The following JAKMIP3 variants were observed in gnomAD, a reference collection of about 807,000 sequenced individuals.
JAKMIP3 encodes the protein janus kinase and microtubule-interacting protein 3.
In JAKMIP3, 58 loss-of-function variants were observed where a neutral mutation model predicts 118.5. The ratio of observed to expected loss-of-function variants is 0.49; its 90% CI spans 0.40 to 0.61. The LOEUF (loss-of-function observed/expected upper bound fraction) is 0.61, where lower values mean the gene tolerates loss of function less well. Ranked by LOEUF, JAKMIP3 falls within the 20% of genes least tolerant of loss-of-function variation. The pLI is 0.00. For missense variants in JAKMIP3, 950 were observed against 1,109.0 expected (o/e 0.86, Z 2.04); for synonymous variants, 486 against 451.2 (o/e 1.08, Z -0.98).
intron 1 of JAKMIP3, among the ~76,000 whole-genome samples, chr10:132,099,800 G>T (rs2044536682): frequency 6.6e-6 from 1 of 152,218 alleles, no homozygotes; most frequent in Non-Finnish European, 1.5e-5. Flanking sequence ...TGGCTCAGGT[G>T]CGTGTCACGG....
intron 19 of JAKMIP3, among the ~76,000 whole-genome samples, chr10:132,162,113 C>T (rs1405346254): frequency 4.1e-5 from 6 of 147,766 alleles, no homozygotes; most frequent in African/African-American, 1.5e-4. Flanking sequence ...TTTTTTTCTG[C>T]ACTTCCTGCT....
chr10:132,100,259 G>A (rs1170400607), intron 1 of JAKMIP3, among the ~76,000 whole-genome samples: 2 of 151,564 alleles, frequency 1.3e-5, no homozygotes, highest in African/African-American at 2.4e-5. Context: ...AGCCAGGAAC[G>A]CCATGGTCTG....
chr10:132,102,965 T>G (rs1478216750), intron 1 of JAKMIP3, among the ~76,000 whole-genome samples: 7 of 105,122 alleles, frequency 6.7e-5, no homozygotes, highest in African/African-American at 1.4e-4. Context: ...GGGCATGGGG[T>G]GGGGGGAAGT....
intron 21 of JAKMIP3, among the ~76,000 whole-genome samples, chr10:132,165,231 C>T (rs1434853448): frequency 6.6e-6 from 1 of 152,160 alleles, no homozygotes. Flanking sequence ...TCTCGGGGTC[C>T]CAGCTCCGTG....
chr10:132,160,186 GTGGGCCTCTCCCTGTGTGATGCTGGGT>G (rs2057937910), intron 19 of JAKMIP3, among the ~76,000 whole-genome samples: 2 of 28,414 alleles, frequency 7.0e-5, no homozygotes, highest in African/African-American at 2.2e-4. Flanking sequence ...GTGATGCTGG[GTGGGCCTCTCCCTGTGTGATGCTGGGT>G]GGGCCTCTCC....
At chr10:132,178,040 C>T (rs2060353396) in intron 23 of JAKMIP3, among the ~76,000 whole-genome samples, 1 of 152,364 alleles carries the variant, frequency 6.6e-6, no homozygotes, top group African/African-American at 2.4e-5. Flanking sequence ...TGAACCTGCT[C>T]CTGTGCACCC....
intron 19 of JAKMIP3, among the ~76,000 whole-genome samples, chr10:132,154,844 G>GC (rs1468224238): frequency 9.0e-6 from 1 of 111,206 alleles, no homozygotes; most frequent in African/African-American, 3.4e-5. Context: ...GATGGTGGTG[G>GC]CGGTGGTGGT....
chr10:132,051,546 G>T (rs1590006570), intron 1 of JAKMIP3, among the ~76,000 whole-genome samples: 1 of 152,116 alleles, frequency 6.6e-6, no homozygotes, highest in East Asian at 1.9e-4. Context: ...GTGCCTGTTG[G>T]ATTCTTTTGC....
intron 23 of JAKMIP3, among the ~76,000 whole-genome samples, chr10:132,175,798 C>T (rs1166535151): frequency 6.6e-6 from 1 of 152,158 alleles, no homozygotes; most frequent in Non-Finnish European, 1.5e-5. Context: ...CAGTTCATGG[C>T]CATCATGCAT....
intron 8 of JAKMIP3, among the ~76,000 whole-genome samples, chr10:132,137,585 C>T (rs763210847): frequency 4.6e-5 from 7 of 152,320 alleles, no homozygotes; most frequent in Admixed American, 2.0e-4. Flanking sequence ...TGCCCTTCTC[C>T]GGCTGCTCAC....
At chr10:132,152,839 G>T in intron 16 of JAKMIP3, 119 bp from the exon 17 acceptor site, 1 of 721,540 alleles carries the variant, frequency 1.4e-6, no homozygotes, top group Non-Finnish European at 2.4e-6. Context: ...TTTAGCTCTG[G>T]CCCCCACCCA....
rs1406187653 is a variant in JAKMIP3, at chr10:132,112,767, T to TCCACCTCC, written c.136-4307_136-4300dup. On this transcript the variant is annotated intron_variant, in intron 2 of 23. Transcript: ENST00000684848. The surrounding 1 kb of genome is among the most constrained non-coding windows in gnomAD (Gnocchi z 4.3). ...CGTGTCTCCTTGGACAGGGCAGCTCTCCACCTCCCCTTGGACACCGGCTCA... is the reference window on the plus strand; with the variant it reads ...CGTGTCTCCTTGGACAGGGCAGCTCTCCACCTCCCCACCTCCCCTTGGACACCGGCTCA... Among the ~76,000 whole-genome samples the TCCACCTCC allele has an allele frequency of 3.9e-5, 6 of 152,230 alleles. No individual in the cohort carries two copies. In the South Asian group the frequency reaches 1.0e-3, roughly 26 times the overall value.
intron 11 of JAKMIP3, among the ~76,000 whole-genome samples, chr10:132,143,393 T>C (rs1277586295): frequency 6.6e-6 from 1 of 152,128 alleles, no homozygotes; most frequent in East Asian, 1.9e-4. Flanking sequence ...CGCATCCTCC[T>C]GGCCAAGCTC....
intron 23 of JAKMIP3, among the ~76,000 whole-genome samples, chr10:132,174,754 C>G (rs1013265253): frequency 6.6e-6 from 1 of 152,180 alleles, no homozygotes; most frequent in South Asian, 2.1e-4. Context: ...TTGCCCCACA[C>G]GCAACGTCTT....
chr10:132,149,307 C>A, intron 14 of JAKMIP3, 105 bp from the exon 15 acceptor site: 2 of 724,582 alleles, frequency 2.8e-6, no homozygotes, highest in Middle Eastern at 2.4e-4. Flanking sequence ...CTGTGTTGAT[C>A]CCTGGTTCCA....
chr10:132,149,569 C>CA, intron 15 of JAKMIP3, 59 bp downstream of exon 15: 1 of 635,274 alleles, frequency 1.6e-6, no homozygotes, highest in Non-Finnish European at 2.4e-6. Context: ...CGCCCCACCC[C>CA]CTCTCCGCCC....
At chr10:132,152,828 T>G (rs1019265779) in intron 16 of JAKMIP3, 130 bp from the exon 17 acceptor site, 1 of 669,392 alleles carries the variant, frequency 1.5e-6, no homozygotes, top group African/African-American at 1.8e-5. Context: ...TCAAAGCACT[T>G]TTTAGCTCTG....
intron 1 of JAKMIP3, among the ~76,000 whole-genome samples, chr10:132,094,744 C>A (rs2043615858): frequency 6.6e-6 from 1 of 152,112 alleles, no homozygotes; most frequent in South Asian, 2.1e-4. Context: ...CAGAGAGCAT[C>A]TGCTGTGGGA....
rs1398346267 is a variant in JAKMIP3, at chr10:132,147,997, C to G, written c.1795C>G (p.Gln599Glu). The G allele has an allele frequency of 1.2e-6, 2 of 1,610,912 alleles. No individual in the cohort carries two copies. Among genetic ancestry groups the G allele is most frequent in the South Asian group, 2.2e-5 (2 of 90,762 alleles). Residue 599 changes from glutamine to glutamate, a missense_variant, in exon 14 of 24, where the codon CAG becomes GAG. By Grantham distance (29) the Gln-to-Glu change is conservative. Transcript: ENST00000684848. Reference sequence around the variant, plus strand: ...AGAGGCTCGGCTCAGACACGAGGTGCAGGACGCCAGAGACCAAAACGAGCT... The same window carrying G: ...AGAGGCTCGGCTCAGACACGAGGTGGAGGACGCCAGAGACCAAAACGAGCT... ...TEEARLRHEV[Q>E]DARDQNELLE...
Sources: gnomAD v4.1 joint callset for allele counts (sites outside exome capture counted in the v4.1 genomes callset) on GRCh38, gnomAD v4.1.1 for gene constraint, Gnocchi (gnomAD v3.1) non-coding constraint, MANE v1.5 for transcripts, NCBI Gene and HGNC (gene_info 2026-07-23, HGNC 2026-07-21) for gene names.